FMN1: variants seen among roughly 807,000 people sequenced by gnomAD.
FMN1 encodes the protein formin-1.
Under a neutral mutation model 132.4 loss-of-function variants are expected in FMN1, and 110 were observed. The observed-to-expected ratio is 0.83, with a 90% confidence interval of 0.71 to 0.97. The LOEUF is 0.97. Ranked by LOEUF, FMN1 falls within the 50% of genes least tolerant of loss-of-function variation. The pLI is 0.00. For missense variants in FMN1, 1,792 were observed against 1,705.3 expected, an observed-to-expected ratio of 1.05 and a Z score of -0.90; for synonymous variants, 722 against 651.7, an observed-to-expected ratio of 1.11 and a Z score of -1.64.
intron 19 of FMN1, among the ~76,000 whole-genome samples, chr15:32,782,236 C>T (rs1232742871): frequency 1.3e-5 from 2 of 152,172 alleles, no homozygotes; most frequent in Non-Finnish European, 1.5e-5. Context: ...TCTCCTTGTT[C>T]CTTTACCCAG....
chr15:33,156,016 C>T (rs1964656239), intron 3 of FMN1, among the ~76,000 whole-genome samples: 2 of 152,182 alleles, frequency 1.3e-5, no homozygotes, highest in Admixed American at 1.3e-4. Context: ...TTCATTAGCC[C>T]TTGATATCTT....
chr15:32,879,962 CCT>C (rs1172909903), intron 16 of FMN1, among the ~76,000 whole-genome samples: 1 of 152,076 alleles, frequency 6.6e-6, no homozygotes, highest in African/African-American at 2.4e-5. Flanking sequence ...CCCACCATTT[CCT>C]CAATTCTTCC....
intron 9 of FMN1, among the ~76,000 whole-genome samples, chr15:32,958,580 A>G (rs1406789773): frequency 6.6e-6 from 1 of 151,994 alleles, no homozygotes; most frequent in Non-Finnish European, 1.5e-5. Flanking sequence ...ATACATACAT[A>G]CATACATACA....
Position 33,068,254 on chromosome 15 carries a change from G to C in FMN1, c.2044-3180C>G, listed in dbSNP as rs996138881. 8 of 189,132 alleles carry C rather than the reference G, an allele frequency of 4.2e-5. No homozygotes were observed. The Admixed American group carries it at 4.2e-4, about 10-fold the overall frequency. 11.7% of individuals were successfully genotyped at this position (189,132 alleles called of 1,614,324 possible). On this transcript the variant is annotated intron_variant, in intron 5 of 20. Coordinates refer to ENST00000616417, the MANE Select transcript of FMN1 (RefSeq NM_001277313.2). ...AGCCTGCCCTGTAATCCCAACCCAG[G>C]ACTTCACGAGGAGCTCCGCCCCAGG...
intron 4 of FMN1, chr15:33,150,230 T>C: frequency 1.1e-5 from 11 of 985,454 alleles, no homozygotes; most frequent in Non-Finnish European, 1.2e-5. Flanking sequence ...AAAGGAATCC[T>C]AGCACCAAGC....
intron 6 of FMN1, among the ~76,000 whole-genome samples, chr15:33,026,528 A>G (rs1409561834): frequency 3.3e-5 from 5 of 152,120 alleles, no homozygotes; most frequent in Non-Finnish European, 5.9e-5. Context: ...CAATATATAA[A>G]GTACTTGTAA....
chr15:32,805,523 A>G (rs2057649017), intron 17 of FMN1, among the ~76,000 whole-genome samples: 1 of 152,162 alleles, frequency 6.6e-6, no homozygotes, highest in African/African-American at 2.4e-5. Flanking sequence ...CCATTTATCT[A>G]TTTTGGCTTT....
intron 20 of FMN1, among the ~76,000 whole-genome samples, chr15:32,775,417 A>G (rs1019701463): frequency 2.6e-5 from 4 of 152,146 alleles, no homozygotes; most frequent in African/African-American, 7.2e-5. Flanking sequence ...CCTTTTGTCT[A>G]TATGGCTGAC....
At chr15:32,976,274 A>G (rs112031693) in intron 7 of FMN1, among the ~76,000 whole-genome samples, 5,163 of 152,262 alleles carry the variant, frequency 0.034, 134 homozygotes, top group Non-Finnish European at 0.054. Flanking sequence ...TGAAAAGTGC[A>G]GCGTGAGCAG....
chr15:33,166,131 G>A (rs1251196562), intron 3 of FMN1, among the ~76,000 whole-genome samples: 1 of 152,142 alleles, frequency 6.6e-6, no homozygotes, highest in African/African-American at 2.4e-5. Context: ...CATCATGTGA[G>A]GCAGACATAG....
chr15:33,078,180 G>A lies in FMN1; in HGVS notation c.2043+10619C>T, dbSNP rs188929890. On this transcript the variant is annotated intron_variant, in intron 5 of 20. Transcript: ENST00000616417. ...AACGTCTCTAAGATAGCATCCACGC[G>A]TAAAATGGGAAAAATAATACTTAAC... is the stretch of plus-strand genomic sequence containing the variant. 5.9e-5 allele frequency among the ~76,000 whole-genome samples: 9 copies of A among 152,288 alleles called. No homozygotes were observed. In the South Asian group the frequency reaches 6.2e-4, roughly 11 times the overall value.
intron 19 of FMN1, among the ~76,000 whole-genome samples, chr15:32,786,978 T>G (rs1402983438): frequency 3.3e-5 from 5 of 152,228 alleles, no homozygotes; most frequent in African/African-American, 4.8e-5. Context: ...ACTTTGATTC[T>G]AAATAAGTGA....
intron 9 of FMN1, among the ~76,000 whole-genome samples, chr15:32,931,921 T>C (rs1291694011): frequency 1.3e-5 from 2 of 152,212 alleles, no homozygotes; most frequent in African/African-American, 2.4e-5. Flanking sequence ...TTGATGAGTT[T>C]TTATCAGAAA....
At position 32,771,388 on chromosome 15, in the gene FMN1, T is replaced by C. The variant is rs1190805379; in HGVS notation, c.*2922A>G. ...GCCACCACGCCCGGCCCGGGCCTGA[T>C]GCTTTTTACCTAACGTGTCTGTAGT... On this transcript the variant is annotated 3_prime_UTR_variant, in exon 21 of 21. Transcript: ENST00000616417. The C allele has an allele frequency of 6.8e-6, 1 of 146,870 alleles. No homozygotes were observed. Among genetic ancestry groups the C allele is most frequent in the African/African-American group, 2.5e-5 (1 of 39,608 alleles). The allele number at this position is 146,870 out of a possible 1,614,324, so 9.1% of individuals were successfully genotyped here.
chr15:32,774,917 A>AAGG (rs2140859646), intron 20 of FMN1, among the ~76,000 whole-genome samples: 1 of 152,194 alleles, frequency 6.6e-6, no homozygotes, highest in Admixed American at 6.5e-5. Context: ...TTCTAAAGGG[A>AAGG]AGGACATGGA....
intron 17 of FMN1, among the ~76,000 whole-genome samples, 181 bp from the exon 18 acceptor site, chr15:32,804,513 CTT>C (rs754779401): frequency 8.1e-6 from 1 of 124,096 alleles, no homozygotes. Context: ...GCTACCACTG[CTT>C]TTTTTTTTTT....
chr15:33,114,396 C>G (rs1276086333), intron 4 of FMN1, among the ~76,000 whole-genome samples: 1 of 152,172 alleles, frequency 6.6e-6, no homozygotes, highest in Non-Finnish European at 1.5e-5. Context: ...TAAATATATG[C>G]AGAAATGATA....
chr15:32,986,484 A>T (rs1158208497), intron 7 of FMN1, among the ~76,000 whole-genome samples: 1 of 152,136 alleles, frequency 6.6e-6, no homozygotes, highest in Non-Finnish European at 1.5e-5. Context: ...TTAAAAACAG[A>T]TCTCTTCTTT....
intron 6 of FMN1, among the ~76,000 whole-genome samples, chr15:33,025,835 T>TC (rs200985599): frequency 0.01 from 1,542 of 152,240 alleles, 28 homozygotes; most frequent in African/African-American, 0.034. Flanking sequence ...AGAATCAGAT[T>TC]CAGAATATCT....
Sources: gnomAD v4.1 joint callset for allele counts (sites outside exome capture counted in the v4.1 genomes callset) on GRCh38, gnomAD v4.1.1 for gene constraint, MANE v1.5 for transcripts, NCBI Gene and HGNC (gene_info 2026-07-23, HGNC 2026-07-21) for gene names.